TBC1D19: variants seen among roughly 807,000 people sequenced by gnomAD.
TBC1D19 encodes TBC1 domain family, member 19.
TBC1D19 carries 60 observed loss-of-function variants against 89.0 expected under a neutral mutation model. That is an observed-to-expected ratio of 0.67 (90% CI 0.55 to 0.84). The LOEUF (loss-of-function observed/expected upper bound fraction) is 0.84. TBC1D19 is among the 40% of genes least tolerant of loss of function. TBC1D19 has a pLI of 0.00. For missense variants in TBC1D19, 500 were observed against 610.8 expected, an observed-to-expected ratio of 0.82 and a Z score of 1.91; for synonymous variants, 189 against 199.7, an observed-to-expected ratio of 0.95 and a Z score of 0.45.
chr4:26,661,380 A>G (rs1295959859), intron 8 of TBC1D19, among the ~76,000 whole-genome samples: 1 of 152,174 alleles, frequency 6.6e-6, no homozygotes, highest in Admixed American at 6.5e-5. Context: ...AGAAAAGACT[A>G]ACAAGGATTC....
intron 13 of TBC1D19, among the ~76,000 whole-genome samples, chr4:26,697,629 C>T (rs559364893): frequency 3.9e-5 from 6 of 152,208 alleles, no homozygotes; most frequent in South Asian, 2.1e-4. Context: ...TACTGCAAAC[C>T]GAATCCAGCA....
rs1394577372 is a variant in TBC1D19, at chr4:26,755,837, T to C, written c.*890T>C. ...TTAAAAGTAGGTAGTAGGCATTCAT[T>C]CTAAACTGCAGACATTATGCAAGGC... On this transcript the variant is annotated 3_prime_UTR_variant, in exon 21 of 21. Transcript: ENST00000264866. Among the ~76,000 whole-genome samples, 2 of 152,208 alleles carry C rather than the reference T, an allele frequency of 1.3e-5. No homozygotes were observed. The highest frequency in any genetic ancestry group is 2.9e-5 in the Non-Finnish European group (2 of 68,020).
chr4:26,752,584 T>C (rs1719029191), intron 19 of TBC1D19, among the ~76,000 whole-genome samples: 1 of 152,106 alleles, frequency 6.6e-6, no homozygotes, highest in African/African-American at 2.4e-5. Flanking sequence ...TAAACTTCAA[T>C]GACTTGTTGG....
the TBC1D19 span, among the ~76,000 whole-genome samples, chr4:26,840,116 C>G: frequency 6.6e-6 from 1 of 151,894 alleles, no homozygotes; most frequent in Admixed American, 6.6e-5. Flanking sequence ...GAGTTATACT[C>G]TGTCGCCCAG....
At chr4:26,645,290 C>T (rs1425205214) in intron 7 of TBC1D19, among the ~76,000 whole-genome samples, 1 of 152,200 alleles carries the variant, frequency 6.6e-6, no homozygotes, top group African/African-American at 2.4e-5. Flanking sequence ...GAGCATGGTA[C>T]TGGTACCAAA....
At chr4:26,841,693 G>A in the TBC1D19 span, among the ~76,000 whole-genome samples, 1,209 of 152,242 alleles carry the variant, frequency 7.9e-3, 15 homozygotes, top group African/African-American at 0.027. Flanking sequence ...CTTACCCTAC[G>A]CGTATTTTTG....
intron 15 of TBC1D19, among the ~76,000 whole-genome samples, chr4:26,735,023 CATGTAT>C (rs1302817505): frequency 1.1e-4 from 7 of 62,776 alleles, no homozygotes; most frequent in East Asian, 6.1e-4. Context: ...TGTGTATACA[CATGTAT>C]ATATGTATAT....
chr4:26,832,005 C>T, the TBC1D19 span, among the ~76,000 whole-genome samples: 2 of 152,154 alleles, frequency 1.3e-5, no homozygotes, highest in African/African-American at 4.8e-5. Context: ...AAACAAAATA[C>T]CTGATCGTAT....
At chr4:26,747,763 T>A (rs1180666010) in intron 18 of TBC1D19, among the ~76,000 whole-genome samples, 2 of 152,200 alleles carry the variant, frequency 1.3e-5, no homozygotes, top group Non-Finnish European at 2.9e-5. Context: ...TACTTGTAAG[T>A]AGTAAGATCT....
chr4:26,656,050 T>C (rs1744780684), intron 7 of TBC1D19, among the ~76,000 whole-genome samples: 1 of 151,958 alleles, frequency 6.6e-6, no homozygotes, highest in East Asian at 1.9e-4. Flanking sequence ...TTTTTTTTTC[T>C]CTCTAGAGTT....
chr4:26,587,251 T>G (rs111847441), intron 1 of TBC1D19, among the ~76,000 whole-genome samples: 3,241 of 152,218 alleles, frequency 0.021, 109 homozygotes, highest in African/African-American at 0.073. Context: ...TGCTAACATT[T>G]TGCTGAAGAT....
At chr4:26,783,821 ACAATGCCTGG>A in the TBC1D19 span, among the ~76,000 whole-genome samples, 1 of 152,292 alleles carries the variant, frequency 6.6e-6, no homozygotes, top group East Asian at 1.9e-4. Context: ...TAATTCCCCT[ACAATGCCTGG>A]CAACCATGCA....
At chr4:26,746,493 A>ATG (rs35232085) in intron 18 of TBC1D19, among the ~76,000 whole-genome samples, 7,998 of 151,890 alleles carry the variant, frequency 0.053, 604 homozygotes, top group African/African-American at 0.17. Context: ...ATCTAGTGAG[A>ATG]TGTTTTTGTG....
the TBC1D19 span, among the ~76,000 whole-genome samples, chr4:26,772,125 CTTT>C: frequency 4.2e-3 from 582 of 139,904 alleles, no homozygotes; most frequent in Middle Eastern, 7.4e-3. Flanking sequence ...AGCCCTCCAA[CTTT>C]TTTTTTTTTT....
chr4:26,712,105 T>C (rs1716234555), intron 13 of TBC1D19, among the ~76,000 whole-genome samples: 1 of 152,252 alleles, frequency 6.6e-6, no homozygotes, highest in Admixed American at 6.5e-5. Flanking sequence ...AATGTTTCTT[T>C]AGGAATTGTT....
chr4:26,667,681 G>A (rs541679615), intron 9 of TBC1D19, among the ~76,000 whole-genome samples: 2 of 152,062 alleles, frequency 1.3e-5, no homozygotes, highest in African/African-American at 4.8e-5. Context: ...TTTGGTGAAC[G>A]TATCTATATT....
At chr4:26,595,973 TTG>T (rs1740181226) in intron 1 of TBC1D19, among the ~76,000 whole-genome samples, 1 of 152,150 alleles carries the variant, frequency 6.6e-6, no homozygotes. Flanking sequence ...AAAATTTTTT[TTG>T]AGAGAGAGTG....
chr4:26,579,624 T>C (rs1393566273), upstream of TBC1D19, among the ~76,000 whole-genome samples: 1 of 152,034 alleles, frequency 6.6e-6, no homozygotes, highest in Non-Finnish European at 1.5e-5. Context: ...AAGCCCCGCA[T>C]GCATTAGGTA....
upstream of TBC1D19, chr4:26,583,837 T>C (rs1739234352): frequency 3.7e-6 from 1 of 270,868 alleles, no homozygotes; most frequent in South Asian, 4.0e-5. Context: ...TGATCCTTTA[T>C]ATAGTAAAAC....
Sources: allele counts gnomAD v4.1 joint callset (sites outside exome capture counted in the v4.1 genomes callset), GRCh38; gene constraint gnomAD v4.1.1; transcripts MANE v1.5; gene names NCBI Gene and HGNC (gene_info 2026-07-23, HGNC 2026-07-21).